UPF1: variants seen among roughly 807,000 people sequenced by gnomAD.
The protein encoded by UPF1 is regulator of nonsense transcripts 1.
UPF1 carries 9 observed loss-of-function variants against 129.2 expected under a neutral mutation model. That is an observed-to-expected ratio of 0.07 (90% CI 0.04 to 0.12). The LOEUF (loss-of-function observed/expected upper bound fraction) is 0.12. Ranked by LOEUF, UPF1 falls within the 10% of genes least tolerant of loss-of-function variation. The pLI, the probability that UPF1 is intolerant of heterozygous loss-of-function variation, is 1.00. For missense variants in UPF1, 788 were observed against 1,525.3 expected (o/e 0.52, Z 8.05); for synonymous variants, 649 against 644.9 (o/e 1.01, Z -0.10).
At position 18,866,649 on chromosome 19, in the gene UPF1, AAGGGAGAGCGCACG is replaced by A. The variant is rs1287858728; in HGVS notation, c.*141_*154del. 6.5e-6 allele frequency: 1 copy of A among 152,856 alleles called. No individual in the cohort carries two copies. Among genetic ancestry groups the A allele is most frequent in the Non-Finnish European group, 1.5e-5 (1 of 68,238 alleles). 9.5% of individuals were successfully genotyped at this position (152,856 alleles called of 1,614,324 possible). A position where few individuals can be genotyped will look rare whatever the true frequency, so the allele number is the denominator to read the frequency against. On this transcript the variant is annotated 3_prime_UTR_variant, in exon 24 of 24. Transcript: ENST00000262803. ...GAAGCACCACTGTGTGAGCAACAGG[AAGGGAGAGCGCACG>A]AGGGAGAGGAGCCGAGGCCGAGCGC... is the stretch of plus-strand genomic sequence containing the variant.
At chr19:18,835,406 A>G (rs2055473487) in intron 1 of UPF1, among the ~76,000 whole-genome samples, 1 of 151,044 alleles carries the variant, frequency 6.6e-6, no homozygotes, top group South Asian at 2.1e-4. Context: ...CAGTGGCGTG[A>G]TCTTGGCTCA....
At position 18,832,023 on chromosome 19, in the gene UPF1, G is replaced by A; in HGVS notation, c.-187G>A. ...GGGAGCTGAGGCGCGGAGGGGCTCG[G>A]CGGCAGCGGCGGCGGCTCGGCACTG... On this transcript the variant is annotated 5_prime_UTR_variant, in exon 1 of 24. Coordinates refer to ENST00000262803, the MANE Select transcript of UPF1 (RefSeq NM_002911.4). The surrounding 1 kb of genome is among the most constrained non-coding windows in gnomAD (Gnocchi z 5.6). 1 of 397,404 alleles carries A rather than the reference G, an allele frequency of 2.5e-6. No homozygotes were observed. Among genetic ancestry groups the A allele is most frequent in the Non-Finnish European group, 4.2e-6 (1 of 240,796 alleles). The allele number at this position is 397,404 out of a possible 1,614,324, so 24.6% of individuals were successfully genotyped here.
In UPF1 at chr19:18,832,183, G is replaced by A. The variant is rs746321730; in HGVS notation, c.-27G>A. ...GCGGGCTCGAGTGCAGCGCGGAACC[G>A]GCCCGAGGGCCCTACCCGGAGGCAC... On this transcript the variant is annotated 5_prime_UTR_variant, in exon 1 of 24. Transcript: ENST00000262803. The surrounding 1 kb of genome is among the most constrained non-coding windows in gnomAD (Gnocchi z 5.6). 6.6e-7 allele frequency: 1 copy of A among 1,516,352 alleles called. No homozygotes were observed. The highest frequency in any genetic ancestry group is 8.9e-7 in the Non-Finnish European group (1 of 1,129,426). 93.9% of individuals were successfully genotyped at this position (1,516,352 alleles called of 1,614,324 possible).
In UPF1 at chr19:18,832,861, G is replaced by A. The variant is rs775773981; in HGVS notation, c.231+421G>A. 3.3e-5 allele frequency among the ~76,000 whole-genome samples: 5 copies of A among 152,122 alleles called. No individual in the cohort carries two copies. Among genetic ancestry groups the A allele is most frequent in the Non-Finnish European group, 5.9e-5 (4 of 68,018 alleles). ...TCTGGCCTGGAGTAACCTGCCCCCT[G>A]ACTTATCTGAGTTCTTCCATTCCAT... On this transcript the variant is annotated intron_variant, in intron 1 of 23. Transcript: ENST00000262803. The surrounding 1 kb of genome is among the most constrained non-coding windows in gnomAD (Gnocchi z 5.6).
chr19:18,845,620 G>A (rs1361289918), intron 1 of UPF1, among the ~76,000 whole-genome samples: 1 of 152,166 alleles, frequency 6.6e-6, no homozygotes, highest in East Asian at 1.9e-4. Flanking sequence ...CTGGCATCAT[G>A]AAGCTGTCCT....
intron 5 of UPF1, 101 bp from the exon 6 acceptor site, chr19:18,852,034 A>G (rs1179730939): frequency 4.2e-6 from 6 of 1,427,710 alleles, no homozygotes; most frequent in Non-Finnish European, 5.5e-6. Context: ...CCATTCTGAG[A>G]AGCGGCATGT....
Position 18,866,136 on chromosome 19 carries a change from C to A in UPF1, c.3330C>A (p.Gly1110=). 1 of 1,609,466 alleles carries A rather than the reference C, an allele frequency of 6.2e-7. No homozygotes were observed. Among genetic ancestry groups the A allele is most frequent in the East Asian group, 2.2e-5 (1 of 44,784 alleles). The change falls in exon 23 of 24, where the codon GGC becomes GGA. Residue 1110 remains glycine, a synonymous_variant. Transcript: ENST00000262803. ...AGGGAGAGCGGGCTTACCAGCATGGCGGGGTGACGGGGCTGTCCCAGTATT... is the reference window on the plus strand; with the variant it reads ...AGGGAGAGCGGGCTTACCAGCATGGAGGGGTGACGGGGCTGTCCCAGTATT... ...TYQGERAYQH[G]GVTGLSQY
At chr19:18,838,091 ACACAC>A (rs991846196) in intron 1 of UPF1, among the ~76,000 whole-genome samples, 5 of 152,256 alleles carry the variant, frequency 3.3e-5, no homozygotes, top group African/African-American at 1.2e-4. Context: ...GTCCAGGTGA[ACACAC>A]CATCTTCTGC....
rs2055653082 is a variant in UPF1, at chr19:18,851,015, A to G, written c.810+147A>G. On this transcript the variant is annotated intron_variant, in intron 5 of 23. Coordinates refer to ENST00000262803, the MANE Select transcript of UPF1 (RefSeq NM_002911.4). The surrounding 1 kb of genome is among the most constrained non-coding windows in gnomAD (Gnocchi z 4.2). ...CAGACCTCTGCCACCTCTACGTGGA[A>G]TGACCTCAGGGCACCTTGGTCACCT... 4 of 1,041,502 alleles carry G rather than the reference A, an allele frequency of 3.8e-6. No individual in the cohort carries two copies. The highest frequency in any genetic ancestry group is 3.4e-5 in the Admixed American group (1 of 29,714). The allele number at this position is 1,041,502 out of a possible 1,614,324, so 64.5% of individuals were successfully genotyped here.
chr19:18,835,515 G>C (rs1225582232), intron 1 of UPF1, among the ~76,000 whole-genome samples: 1 of 152,110 alleles, frequency 6.6e-6, no homozygotes, highest in African/African-American at 2.4e-5. Context: ...GCTAATTTTT[G>C]TATTTTTAGT....
chr19:18,841,101 G>A (rs2145936999), intron 1 of UPF1, among the ~76,000 whole-genome samples: 1 of 152,372 alleles, frequency 6.6e-6, no homozygotes, highest in East Asian at 1.9e-4. Flanking sequence ...TCAGTACGGG[G>A]ATCCATGCGC....
In UPF1 at chr19:18,867,535, C is replaced by G. The variant is rs548484699; in HGVS notation, c.*1018C>G. The G allele has an allele frequency of 1.3e-5, 2 of 152,356 alleles. No individual in the cohort carries two copies. The highest frequency in any genetic ancestry group is 4.8e-5 in the African/African-American group (2 of 41,472). 9.4% of individuals were successfully genotyped at this position (152,356 alleles called of 1,614,324 possible). ...TTGGTGGAAGGACAAGAGGGCCTGTCCCTGTCCCCGTCCCCAGGAGGTACC... is the reference window on the plus strand; with the variant it reads ...TTGGTGGAAGGACAAGAGGGCCTGTGCCTGTCCCCGTCCCCAGGAGGTACC... On this transcript the variant is annotated 3_prime_UTR_variant, in exon 24 of 24. Coordinates refer to ENST00000262803, the MANE Select transcript of UPF1 (RefSeq NM_002911.4).
chr19:18,832,389 A>AGGCCCGGGC lies in UPF1; in HGVS notation c.184_192dup (p.Pro62_Gly64dup). 1.6e-5 allele frequency: 17 copies of AGGCCCGGGC among 1,081,004 alleles called. No homozygotes were observed. The highest frequency in any genetic ancestry group is 1.9e-5 in the Non-Finnish European group (17 of 890,428). The allele number at this position is 1,081,004 out of a possible 1,614,324, so 67.0% of individuals were successfully genotyped here. A position where few individuals can be genotyped will look rare whatever the true frequency, so the allele number is the denominator to read the frequency against. On this transcript the variant is annotated inframe_insertion, in exon 1 of 24. Transcript: ENST00000262803. This position sits in a 1 kb window ranked among gnomAD's most constrained non-coding sequence, Gnocchi z 5.6. The stretch of plus-strand genomic sequence containing the variant: ...GCGGCCCGGGCGGTGGCGGCGCGGG[A>AGGCCCGGGC]GGCCCGGGCGGCGCGGGCGCGGGCG...
chr19:18,848,148 G>A (rs773810283), intron 3 of UPF1: 7 of 321,896 alleles, frequency 2.2e-5, no homozygotes, highest in Non-Finnish European at 4.2e-5. Flanking sequence ...ACGGGAGGAT[G>A]TTCCCAAGGC....
intron 1 of UPF1, among the ~76,000 whole-genome samples, chr19:18,838,898 A>G (rs781363008): frequency 1.3e-5 from 2 of 152,156 alleles, no homozygotes; most frequent in South Asian, 2.1e-4. Flanking sequence ...ACACGAAACA[A>G]TTTCTATTTT....
intron 14 of UPF1, 129 bp from the exon 15 acceptor site, chr19:18,857,191 C>A: frequency 6.9e-7 from 1 of 1,458,124 alleles, no homozygotes; most frequent in South Asian, 1.3e-5. Context: ...GTCCAGTGTG[C>A]GTGGTGAGCA....
At chr19:18,864,317 T>A in intron 20 of UPF1, 66 bp downstream of exon 20, 1 of 1,453,070 alleles carries the variant, frequency 6.9e-7, no homozygotes, top group Non-Finnish European at 9.6e-7. Flanking sequence ...GCCGTTCCCA[T>A]GGCTGCAGCT....
At chr19:18,858,246 A>T (rs1161976053) in intron 15 of UPF1, among the ~76,000 whole-genome samples, 1 of 152,240 alleles carries the variant, frequency 6.6e-6, no homozygotes, top group African/African-American at 2.4e-5. Context: ...CGCTTCATGG[A>T]GAACTAGTGG....
rs1419046942 is a variant in UPF1, at chr19:18,846,203, A to G, written c.371+84A>G. On this transcript the variant is annotated intron_variant, in intron 2 of 23. Transcript: ENST00000262803. Reference sequence around the variant, plus strand: ...GGCCTGGGACACTCACCTCCCAGGTACAGGGTGGCGCCCTTGTGCTGTGAC... The same window carrying G: ...GGCCTGGGACACTCACCTCCCAGGTGCAGGGTGGCGCCCTTGTGCTGTGAC... 14 of 1,571,876 alleles carry G rather than the reference A, an allele frequency of 8.9e-6. No homozygotes were observed. The Admixed American group carries it at 2.1e-4, about 24-fold the overall frequency.
Sources: gnomAD v4.1 joint callset for allele counts (sites outside exome capture counted in the v4.1 genomes callset) on GRCh38, gnomAD v4.1.1 for gene constraint, Gnocchi (gnomAD v3.1) non-coding constraint, MANE v1.5 for transcripts, NCBI Gene and HGNC (gene_info 2026-07-23, HGNC 2026-07-21) for gene names.